The following TENM2 variants were observed in gnomAD, a reference collection of about 807,000 sequenced individuals.
TENM2 encodes teneurin-2.
A neutral mutation model predicts 245.2 loss-of-function variants in TENM2; 52 were observed. The ratio of observed to expected loss-of-function variants is 0.21; its 90% CI spans 0.17 to 0.27. TENM2 has a LOEUF of 0.27. TENM2 is among the 10% of genes least tolerant of loss of function. The pLI is 1.00. For synonymous variants in TENM2, 1,363 were observed against 1,438.9 expected (o/e 0.95, Z 1.19); for missense variants, 3,046 against 3,666.8 (o/e 0.83, Z 4.37).
In TENM2 at chr5:167,646,200, CATATATAT is replaced by C. The variant is rs61476810; in HGVS notation, c.503-229763_503-229756del. Among the ~76,000 whole-genome samples the C allele has an allele frequency of 2.5e-3, 159 of 63,432 alleles. 3 individuals carry two copies. The highest frequency in any genetic ancestry group is 3.3e-3 in the African/African-American group (63 of 18,810). The allele number at this position is 63,432 out of a possible 152,430, so 41.6% of individuals were successfully genotyped here. On this transcript the variant is annotated intron_variant, in intron 2 of 28. Transcript: ENST00000518659. ...TTCATATATATATATATGTTGTTTT[CATATATAT>C]ATATATATATATATATATATATGTT...
At chr5:167,695,801 G>T (rs1445702493) in intron 2 of TENM2, among the ~76,000 whole-genome samples, 2 of 151,434 alleles carry the variant, frequency 1.3e-5, no homozygotes, top group Non-Finnish European at 2.9e-5. Context: ...TTGGGAGGCC[G>T]AGGTGGGCGG....
chr5:167,599,963 T>G (rs1463682443), intron 2 of TENM2, among the ~76,000 whole-genome samples: 1 of 151,638 alleles, frequency 6.6e-6, no homozygotes, highest in Non-Finnish European at 1.5e-5. Flanking sequence ...CTGGCCAACA[T>G]GGTGAAACCC....
At chr5:167,345,269 C>T (rs1188187014) in intron 1 of TENM2, among the ~76,000 whole-genome samples, 5 of 152,200 alleles carry the variant, frequency 3.3e-5, no homozygotes, top group African/African-American at 1.2e-4. Flanking sequence ...GAAAGCCATG[C>T]TTACAGGTCC....
chr5:168,006,501 A>T (rs2152062477), intron 5 of TENM2, among the ~76,000 whole-genome samples: 1 of 152,302 alleles, frequency 6.6e-6, no homozygotes, highest in East Asian at 1.9e-4. Flanking sequence ...TGGAATCCTA[A>T]AATAAATAAT....
At chr5:167,677,194 G>T (rs1289360727) in intron 2 of TENM2, among the ~76,000 whole-genome samples, 1 of 152,056 alleles carries the variant, frequency 6.6e-6, no homozygotes, top group East Asian at 1.9e-4. Flanking sequence ...AACCTGAAAT[G>T]ATTCCCTAAA....
At chr5:167,217,979 T>C in the TENM2 span, among the ~76,000 whole-genome samples, 1 of 151,906 alleles carries the variant, frequency 6.6e-6, no homozygotes, top group Non-Finnish European at 1.5e-5. Context: ...AAAAAACACA[T>C]CAAAACAAAT....
chr5:167,971,857 A>G (rs1342805726), intron 4 of TENM2, among the ~76,000 whole-genome samples: 3 of 152,220 alleles, frequency 2.0e-5, no homozygotes, highest in African/African-American at 7.2e-5. Flanking sequence ...TCCAATGTCT[A>G]TTTTTACAGA....
the TENM2 span, among the ~76,000 whole-genome samples, chr5:167,006,758 C>T: frequency 1.3e-5 from 2 of 151,980 alleles, no homozygotes; most frequent in Non-Finnish European, 2.9e-5. Context: ...CCTCTGCCTC[C>T]TGGGTTCAAG....
intron 12 of TENM2, among the ~76,000 whole-genome samples, chr5:168,127,550 A>G (rs1795944503): frequency 6.6e-6 from 1 of 152,084 alleles, no homozygotes; most frequent in Non-Finnish European, 1.5e-5. Flanking sequence ...TTTAAAGGTC[A>G]TTTTCTTTGT....
intron 2 of TENM2, among the ~76,000 whole-genome samples, chr5:167,382,237 A>G (rs1761132573): frequency 1.3e-5 from 2 of 152,156 alleles, no homozygotes. Context: ...AGAGGAGGAA[A>G]ATGACTTTGT....
At chr5:167,794,830 G>T (rs1765213892) in intron 2 of TENM2, among the ~76,000 whole-genome samples, 1 of 152,122 alleles carries the variant, frequency 6.6e-6, no homozygotes, top group African/African-American at 2.4e-5. Flanking sequence ...TTGCATCCTG[G>T]GACAGAAAAA....
At chr5:167,058,314 T>A in the TENM2 span, among the ~76,000 whole-genome samples, 2 of 152,162 alleles carry the variant, frequency 1.3e-5, no homozygotes, top group Non-Finnish European at 2.9e-5. Context: ...ACTGATTGAC[T>A]CATATATTCT....
At chr5:167,559,591 T>C (rs1222468040) in intron 2 of TENM2, among the ~76,000 whole-genome samples, 1 of 152,206 alleles carries the variant, frequency 6.6e-6, no homozygotes, top group Non-Finnish European at 1.5e-5. Context: ...TCTCTTTTTG[T>C]TCTTGGCCTC....
intron 2 of TENM2, among the ~76,000 whole-genome samples, chr5:167,726,138 T>TAC (rs926014881): frequency 6.6e-6 from 1 of 152,162 alleles, no homozygotes; most frequent in African/African-American, 2.4e-5. Flanking sequence ...CTGCACGGCA[T>TAC]AGAGCAAGTA....
chr5:167,586,182 T>C (rs552761166), intron 2 of TENM2, among the ~76,000 whole-genome samples: 1 of 150,664 alleles, frequency 6.6e-6, no homozygotes, highest in African/African-American at 2.4e-5. Flanking sequence ...AAAAAACAGG[T>C]GATATAACAA....
intron 4 of TENM2, among the ~76,000 whole-genome samples, chr5:167,964,016 A>G (rs1262978210): frequency 6.6e-6 from 1 of 152,244 alleles, no homozygotes; most frequent in African/African-American, 2.4e-5. Context: ...ACTAACTGCA[A>G]GCAGTCTGTA....
chr5:167,858,556 C>T (rs79413977), intron 2 of TENM2, among the ~76,000 whole-genome samples: 4,347 of 152,178 alleles, frequency 0.029, 193 homozygotes, highest in African/African-American at 0.1. Context: ...GGCTCGAAGG[C>T]GCCGCGGGCT....
At chr5:167,200,222 G>A in the TENM2 span, among the ~76,000 whole-genome samples, 1 of 152,072 alleles carries the variant, frequency 6.6e-6, no homozygotes, top group Non-Finnish European at 1.5e-5. Context: ...CTGGCATTAA[G>A]TTTGGTTGTT....
the TENM2 span, among the ~76,000 whole-genome samples, chr5:167,098,021 C>T: frequency 0.55 from 83,166 of 151,938 alleles, 23,376 homozygotes; most frequent in African/African-American, 0.66. Flanking sequence ...CCCATTTTTT[C>T]CTCCGAGTTT....
Sources: allele counts gnomAD v4.1 joint callset (sites outside exome capture counted in the v4.1 genomes callset), GRCh38; gene constraint gnomAD v4.1.1; transcripts MANE v1.5; gene names NCBI Gene and HGNC (gene_info 2026-07-23, HGNC 2026-07-21).